AIDA: variants seen among roughly 807,000 people sequenced by gnomAD.
AIDA encodes axin interactor, dorsalization-associated protein.
AIDA carries 18 observed loss-of-function variants against 42.7 expected under a neutral mutation model. That is an observed-to-expected ratio of 0.42 (90% CI 0.29 to 0.63). AIDA has a LOEUF of 0.63. AIDA is among the 20% of genes least tolerant of loss of function. AIDA has a pLI of 0.19. For missense variants in AIDA, 250 were observed against 354.1 expected (o/e 0.71, Z 2.36); for synonymous variants, 104 against 122.9 (o/e 0.85, Z 1.02).
At chr1:222,671,110 C>G (rs1664440536) in intron 8 of AIDA, among the ~76,000 whole-genome samples, 1 of 151,868 alleles carries the variant, frequency 6.6e-6, no homozygotes. Context: ...GCCTGTACTC[C>G]CAGCTACTCG....
At chr1:222,694,304 A>AT in intron 2 of AIDA, 41 bp from the exon 3 acceptor site, 1 of 1,493,504 alleles carries the variant, frequency 6.7e-7, no homozygotes, top group African/African-American at 1.4e-5. Flanking sequence ...CAGAATTATC[A>AT]TAACTGTTAG....
At chr1:222,686,899 A>G (rs1466056313) in intron 6 of AIDA, 31 bp downstream of exon 6, 1 of 1,600,962 alleles carries the variant, frequency 6.2e-7, no homozygotes. Flanking sequence ...TTGCAGTTAA[A>G]TAATGTTTAT....
At chr1:222,675,878 A>C (rs975767397) in intron 7 of AIDA, among the ~76,000 whole-genome samples, 1 of 152,210 alleles carries the variant, frequency 6.6e-6, no homozygotes, top group Non-Finnish European at 1.5e-5. Flanking sequence ...AAAGCAAAAC[A>C]ATGTAAGTTA....
At chr1:222,684,233 TCCC>T in intron 6 of AIDA, among the ~76,000 whole-genome samples, 1 of 152,216 alleles carries the variant, frequency 6.6e-6, no homozygotes, top group Admixed American at 6.5e-5. Flanking sequence ...TGCCTCAGCT[TCCC>T]AAGTAGCTGA....
intron 1 of AIDA, 169 bp downstream of exon 1, chr1:222,712,039 T>C: frequency 9.9e-7 from 1 of 1,007,520 alleles, no homozygotes; most frequent in Non-Finnish European, 1.5e-6. Flanking sequence ...CCGTTGTCCC[T>C]AGAGCAGCCT....
At chr1:222,673,752 T>C (rs1054731128) in intron 7 of AIDA, among the ~76,000 whole-genome samples, 1 of 149,920 alleles carries the variant, frequency 6.7e-6, no homozygotes, top group Non-Finnish European at 1.5e-5. Flanking sequence ...CACTCCAGCC[T>C]GGGCAAAAGA....
At chr1:222,688,261 G>A (rs1655251031) in intron 4 of AIDA, among the ~76,000 whole-genome samples, 1 of 151,896 alleles carries the variant, frequency 6.6e-6, no homozygotes, top group South Asian at 2.1e-4. Context: ...TTTATTCTCT[G>A]TCCTGAGATT....
intron 4 of AIDA, 127 bp from the exon 5 acceptor site, chr1:222,687,785 C>A: frequency 4.3e-6 from 3 of 696,124 alleles, no homozygotes; most frequent in Non-Finnish European, 6.4e-6. Context: ...AGCCTTACCA[C>A]CATTTGAGAG....
intron 1 of AIDA, among the ~76,000 whole-genome samples, chr1:222,708,204 A>T (rs1041870912): frequency 6.6e-6 from 1 of 151,582 alleles, no homozygotes; most frequent in Admixed American, 6.6e-5. Context: ...CCAGCTACTC[A>T]GGAGGCTGAG....
At position 222,669,650 on chromosome 1, in the gene AIDA, A is replaced by G. The variant is rs1664408966; in HGVS notation, c.*243T>C. ...AAATAGACTATTAATTGCACAATTA[A>G]TAGAAAAGTAAAAACATGTTTCAAA... On this transcript the variant is annotated 3_prime_UTR_variant, in exon 10 of 10. Coordinates refer to ENST00000340020, the MANE Select transcript of AIDA (RefSeq NM_022831.4). The G allele has an allele frequency of 7.0e-6, 3 of 427,694 alleles. No individual in the cohort carries two copies. The highest frequency in any genetic ancestry group is 4.1e-5 in the African/African-American group (2 of 49,052). 26.5% of individuals were successfully genotyped at this position (427,694 alleles called of 1,614,324 possible).
At chr1:222,688,275 T>C (rs1655251793) in intron 4 of AIDA, among the ~76,000 whole-genome samples, 1 of 147,412 alleles carries the variant, frequency 6.8e-6, no homozygotes, top group Non-Finnish European at 1.5e-5. Context: ...TGAGATTTCC[T>C]CTCAATGCCA....
intron 2 of AIDA, among the ~76,000 whole-genome samples, chr1:222,700,581 C>A (rs1443033360): frequency 6.6e-6 from 1 of 151,452 alleles, no homozygotes; most frequent in Non-Finnish European, 1.5e-5. Context: ...CACGTGAAAC[C>A]CTGTCTCTAC....
chr1:222,687,065 C>A (rs1655216023), intron 5 of AIDA, 29 bp from the exon 6 acceptor site: 1 of 1,604,620 alleles, frequency 6.2e-7, no homozygotes, highest in African/African-American at 1.3e-5. Context: ...GAAAAAACAA[C>A]AAACTGCAAA....
At chr1:222,673,241 A>C in intron 8 of AIDA, 72 bp downstream of exon 8, 1 of 1,408,440 alleles carries the variant, frequency 7.1e-7, no homozygotes. Flanking sequence ...TGCTAGGTCC[A>C]CCATATGTAC....
Position 222,673,338 on chromosome 1 carries a change from C to A in AIDA, c.681G>T (p.Gln227His). The A allele has an allele frequency of 5.0e-6, 8 of 1,608,202 alleles. No individual in the cohort carries two copies. The highest frequency in any genetic ancestry group is 6.8e-6 in the Non-Finnish European group (8 of 1,177,296). Residue 227 changes from glutamine (Q) to histidine (H), a missense_variant, in exon 8 of 10, where the codon CAG (glutamine) becomes CAT (histidine). Gln to His is a conservative substitution (Grantham distance 24). Coordinates refer to ENST00000340020, the MANE Select transcript of AIDA (RefSeq NM_022831.4). ...YVHFNVDIEL[Q>H]KHVEKLTKGA... Reference sequence around the variant, plus strand: ...CTTTGGTTAATTTTTCAACATGCTTCTGGAGCTCAATGTCCACATTAAAAT... The same window carrying A: ...CTTTGGTTAATTTTTCAACATGCTTATGGAGCTCAATGTCCACATTAAAAT...
At position 222,687,591 on chromosome 1, in the gene AIDA, T is replaced by C; in HGVS notation, c.353+4A>G. 2 of 1,487,950 alleles carry C rather than the reference T, an allele frequency of 1.3e-6. No homozygotes were observed. Among genetic ancestry groups the C allele is most frequent in the Non-Finnish European group, 1.8e-6 (2 of 1,097,942 alleles). 92.2% of individuals were successfully genotyped at this position (1,487,950 alleles called of 1,614,324 possible). On this transcript the variant is annotated splice_donor_region_variant and intron_variant, in intron 5 of 9. Transcript: ENST00000340020. Reference sequence around the variant, plus strand: ...AAGAAAACAAATATAAATGTTTCTTTTACCTTAATGGGACAGGCTGAACAT... The same window carrying C: ...AAGAAAACAAATATAAATGTTTCTTCTACCTTAATGGGACAGGCTGAACAT...
intron 2 of AIDA, among the ~76,000 whole-genome samples, chr1:222,702,594 A>T (rs1270936637): frequency 1.3e-5 from 2 of 152,222 alleles, no homozygotes; most frequent in East Asian, 3.8e-4. Context: ...AACCTTACGC[A>T]TTTATTTTGC....
At chr1:222,685,734 T>C (rs1655151558) in intron 6 of AIDA, among the ~76,000 whole-genome samples, 3 of 152,194 alleles carry the variant, frequency 2.0e-5, no homozygotes, top group Non-Finnish European at 4.4e-5. Context: ...AAGATACTCA[T>C]GGAGAGCTTC....
chr1:222,680,962 C>T (rs1018511053), intron 6 of AIDA, among the ~76,000 whole-genome samples: 7 of 151,706 alleles, frequency 4.6e-5, no homozygotes, highest in Non-Finnish European at 7.4e-5. Flanking sequence ...TCCCAAACCG[C>T]GCAATAAGTG....
Sources: allele counts gnomAD v4.1 joint callset (sites outside exome capture counted in the v4.1 genomes callset), GRCh38; gene constraint gnomAD v4.1.1; transcripts MANE v1.5; gene names NCBI Gene and HGNC (gene_info 2026-07-23, HGNC 2026-07-21).